Variants in TRAF3 observed in about 807,000 individuals in gnomAD.
TRAF3 encodes the protein TNF receptor associated factor 3.
TRAF3 carries 13 observed loss-of-function variants against 62.3 expected under a neutral mutation model. The observed-to-expected ratio is 0.21, with a 90% confidence interval of 0.14 to 0.33. TRAF3 has a LOEUF of 0.33. Ranked by LOEUF, TRAF3 falls within the 10% of genes least tolerant of loss-of-function variation. TRAF3 has a pLI of 1.00. For missense variants in TRAF3, 440 were observed against 741.8 expected (o/e 0.59, Z 4.73); for synonymous variants, 269 against 283.4 (o/e 0.95, Z 0.51).
At chr14:102,805,987 G>C (rs1368040539) in intron 1 of TRAF3, among the ~76,000 whole-genome samples, 1 of 147,246 alleles carries the variant, frequency 6.8e-6, no homozygotes, top group East Asian at 2.0e-4. Context: ...GTCTGGGACA[G>C]TGGTTCTCAT....
At chr14:102,846,477 T>C (rs1188105380) in intron 2 of TRAF3, among the ~76,000 whole-genome samples, 2 of 151,830 alleles carry the variant, frequency 1.3e-5, no homozygotes, top group African/African-American at 4.8e-5. Flanking sequence ...CACACCTAGG[T>C]GATAAATCTC....
chr14:102,807,115 C>T (rs1381775180), intron 1 of TRAF3, among the ~76,000 whole-genome samples: 5 of 150,564 alleles, frequency 3.3e-5, no homozygotes, highest in Non-Finnish European at 7.4e-5. Flanking sequence ...CAGTTTTCTC[C>T]AGGCCTTTCT....
intron 2 of TRAF3, among the ~76,000 whole-genome samples, chr14:102,853,763 G>A (rs8017180): frequency 6.6e-6 from 1 of 151,258 alleles, no homozygotes; most frequent in Non-Finnish European, 1.5e-5. Flanking sequence ...GCTTGGGCCC[G>A]GGAGGCGGAG....
chr14:102,856,021 G>A (rs1264341325), intron 2 of TRAF3, among the ~76,000 whole-genome samples: 1 of 146,000 alleles, frequency 6.8e-6, no homozygotes, highest in African/African-American at 2.6e-5. Context: ...GAGCCCAGGA[G>A]TTCAAGGCTG....
intron 7 of TRAF3, among the ~76,000 whole-genome samples, chr14:102,888,979 T>C (rs1023603834): frequency 5.3e-5 from 8 of 152,206 alleles, no homozygotes; most frequent in Non-Finnish European, 8.8e-5. Flanking sequence ...TAAGAGTGTA[T>C]GGTTAGACTG....
intron 1 of TRAF3, among the ~76,000 whole-genome samples, chr14:102,806,265 A>T (rs1008699631): frequency 2.6e-5 from 4 of 152,172 alleles, no homozygotes; most frequent in African/African-American, 7.2e-5. Flanking sequence ...TAGTGAATGT[A>T]TGACTGTTAA....
intron 1 of TRAF3, among the ~76,000 whole-genome samples, chr14:102,799,011 A>C (rs558715489): frequency 2.0e-5 from 3 of 152,226 alleles, no homozygotes; most frequent in Non-Finnish European, 4.4e-5. Context: ...TTCAGTTTAC[A>C]TGAGGAATTT....
At chr14:102,822,034 T>A (rs1035067691) in intron 1 of TRAF3, among the ~76,000 whole-genome samples, 1 of 152,158 alleles carries the variant, frequency 6.6e-6, no homozygotes, top group African/African-American at 2.4e-5. Context: ...AGAGTGAGAC[T>A]CCATCTCAAA....
At chr14:102,871,761 C>T (rs1237451240) in intron 3 of TRAF3, among the ~76,000 whole-genome samples, 156 bp from the exon 4 acceptor site, 1 of 152,188 alleles carries the variant, frequency 6.6e-6, no homozygotes, top group Non-Finnish European at 1.5e-5. Flanking sequence ...CCCATGGCTT[C>T]CTATGTAAAG....
chr14:102,876,658 C>A lies in TRAF3; in HGVS notation c.570+133C>A, dbSNP rs568096266. 71 of 1,239,978 alleles carry A rather than the reference C, an allele frequency of 5.7e-5. No individual in the cohort carries two copies. The African/African-American group carries it at 1.0e-3, about 18-fold the overall frequency. The allele number at this position is 1,239,978 out of a possible 1,614,324, so 76.8% of individuals were successfully genotyped here. Reference sequence around the variant, plus strand: ...CTCATAGATAATCCGTTCCACAGGCCTTCCACTCAGTTCATAGATATTCCG... The same window carrying A: ...CTCATAGATAATCCGTTCCACAGGCATTCCACTCAGTTCATAGATATTCCG... On this transcript the variant is annotated intron_variant, in intron 6 of 11. Transcript: ENST00000392745.
At chr14:102,838,040 C>T (rs924868924) in intron 2 of TRAF3, among the ~76,000 whole-genome samples, 2 of 152,156 alleles carry the variant, frequency 1.3e-5, no homozygotes, top group Admixed American at 6.6e-5. Context: ...GAGGTAGTCG[C>T]GGTGTGATAA....
chr14:102,881,229 C>G (rs1051077135), intron 6 of TRAF3, among the ~76,000 whole-genome samples: 2 of 151,788 alleles, frequency 1.3e-5, no homozygotes, highest in African/African-American at 2.4e-5. Context: ...ACTTAAAATA[C>G]AAAAATTAGC....
rs766756194 is a variant in TRAF3, at chr14:102,886,318, C to T, written c.651+49C>T. ...GGAGTCTGTGGAGTCCTCAGGGCTG[C>T]GTGCCTGGCTCCCCTTCCCTGCATA... On this transcript the variant is annotated intron_variant, in intron 7 of 11. Transcript: ENST00000392745. The T allele has an allele frequency of 9.9e-6, 15 of 1,514,354 alleles. No individual in the cohort carries two copies. The East Asian group carries it at 1.4e-4, about 14-fold the overall frequency. 93.8% of individuals were successfully genotyped at this position (1,514,354 alleles called of 1,614,324 possible).
intron 1 of TRAF3, among the ~76,000 whole-genome samples, chr14:102,819,743 A>G (rs1210851275): frequency 6.6e-6 from 1 of 152,216 alleles, no homozygotes; most frequent in Non-Finnish European, 1.5e-5. Flanking sequence ...ACCGTATAGT[A>G]TAGGACATCC....
chr14:102,911,051 TTC>T lies in TRAF3; in HGVS notation c.*5269_*5270del, dbSNP rs1890844371. The T allele has an allele frequency of 6.6e-6, 1 of 152,248 alleles. No individual in the cohort carries two copies. The highest frequency in any genetic ancestry group is 1.5e-5 in the Non-Finnish European group (1 of 68,050). The allele number at this position is 152,248 out of a possible 1,614,324, so 9.4% of individuals were successfully genotyped here. ...CTTCTCTGCCGGTGCCTCTGTTCGG[TTC>T]TGTTACCCAAAAACAAAGACCAAAG... On this transcript the variant is annotated 3_prime_UTR_variant, in exon 12 of 12. Transcript: ENST00000392745.
intron 1 of TRAF3, among the ~76,000 whole-genome samples, chr14:102,788,090 A>G (rs1451445551): frequency 6.6e-6 from 1 of 151,856 alleles, no homozygotes; most frequent in Non-Finnish European, 1.5e-5. Flanking sequence ...CCTGTGCTCA[A>G]GGGATCTGCC....
chr14:102,886,120 G>T, intron 6 of TRAF3, 69 bp from the exon 7 acceptor site: 2 of 1,543,240 alleles, frequency 1.3e-6, no homozygotes, highest in African/African-American at 1.4e-5. Context: ...GGGCCCCATG[G>T]GGATCTCAGC....
chr14:102,793,986 A>G (rs994969317), intron 1 of TRAF3, among the ~76,000 whole-genome samples: 1 of 152,168 alleles, frequency 6.6e-6, no homozygotes, highest in African/African-American at 2.4e-5. Context: ...TGAGGGTCCA[A>G]GAGGGCCGTA....
At chr14:102,882,254 T>G (rs1326614184) in intron 6 of TRAF3, among the ~76,000 whole-genome samples, 2 of 152,238 alleles carry the variant, frequency 1.3e-5, no homozygotes, top group East Asian at 3.9e-4. Flanking sequence ...ATAATGAGTT[T>G]GGGGCCTGAT....
Sources: gnomAD v4.1 joint callset for allele counts (sites outside exome capture counted in the v4.1 genomes callset) on GRCh38, gnomAD v4.1.1 for gene constraint, MANE v1.5 for transcripts, NCBI Gene and HGNC (gene_info 2026-07-23, HGNC 2026-07-21) for gene names.